Variants in SOX5 observed in about 807,000 individuals in gnomAD.
SOX5 encodes transcription factor SOX-5.
In SOX5, 9 loss-of-function variants were observed where a neutral mutation model predicts 92.0. The ratio of observed to expected loss-of-function variants is 0.10; its 90% CI spans 0.06 to 0.17. SOX5 has a LOEUF of 0.17. Ranked by LOEUF, SOX5 falls within the 10% of genes least tolerant of loss-of-function variation. SOX5 has a pLI of 1.00. For synonymous variants in SOX5, 344 were observed against 336.3 expected (o/e 1.02, Z -0.25); for missense variants, 642 against 944.5 (o/e 0.68, Z 4.20).
chr12:24,377,187 C>T (rs1161296472), intron 1 of SOX5, among the ~76,000 whole-genome samples: 1 of 152,176 alleles, frequency 6.6e-6, no homozygotes, highest in Admixed American at 6.5e-5. Context: ...TATGGCTCCA[C>T]AATCAAAAGT....
intron 6 of SOX5, among the ~76,000 whole-genome samples, chr12:23,728,619 G>A (rs1353534711): frequency 2.0e-5 from 3 of 152,056 alleles, no homozygotes; most frequent in Admixed American, 6.6e-5. Context: ...GAGAACTTTG[G>A]TGCCAATAAA....
chr12:23,816,028 G>A (rs961840128), intron 3 of SOX5, among the ~76,000 whole-genome samples: 3 of 152,070 alleles, frequency 2.0e-5, no homozygotes, highest in Non-Finnish European at 2.9e-5. Context: ...TAATGTTCAT[G>A]TGTCATGAAA....
intron 2 of SOX5, among the ~76,000 whole-genome samples, chr12:23,875,941 A>C (rs571527132): frequency 6.6e-6 from 1 of 152,278 alleles, no homozygotes; most frequent in East Asian, 1.9e-4. Flanking sequence ...TGTAGCACAA[A>C]AGCAGCTATA....
At chr12:24,168,418 A>C (rs989105835) in intron 4 of SOX5, among the ~76,000 whole-genome samples, 1 of 152,212 alleles carries the variant, frequency 6.6e-6, no homozygotes, top group South Asian at 2.1e-4. Context: ...AAAAATCGTC[A>C]ACAGAAATAA....
chr12:24,378,309 T>C (rs1957485029), intron 1 of SOX5, among the ~76,000 whole-genome samples: 1 of 152,228 alleles, frequency 6.6e-6, no homozygotes, highest in Non-Finnish European at 1.5e-5. Flanking sequence ...AAATGAACAA[T>C]GTACAATCTT....
chr12:24,050,428 T>C (rs1957457135), intron 4 of SOX5, among the ~76,000 whole-genome samples: 1 of 152,088 alleles, frequency 6.6e-6, no homozygotes, highest in South Asian at 2.1e-4. Flanking sequence ...GTGAAATAAA[T>C]GTGAGGGTCT....
intron 4 of SOX5, among the ~76,000 whole-genome samples, chr12:24,080,395 G>T (rs1943181057): frequency 6.6e-6 from 1 of 151,996 alleles, no homozygotes; most frequent in African/African-American, 2.4e-5. Context: ...GTGCCACAAT[G>T]TTATCTCCTA....
intron 6 of SOX5, among the ~76,000 whole-genome samples, chr12:23,722,290 T>TC (rs1345026449): frequency 2.0e-5 from 3 of 152,186 alleles, no homozygotes; most frequent in African/African-American, 7.2e-5. Flanking sequence ...CTATGATATT[T>TC]CAGTTAGAGA....
rs1941568867 is a variant in SOX5, at chr12:24,446,952, A to C, written c.-250-78313T>G. ...CCAAAGCTGAAACAATTTGGGCAAC[A>C]AAATAAATAGCATACTCTTGTATCA... On this transcript the variant is annotated intron_variant, in intron 1 of 4. Coordinates refer to the SOX5 transcript ENST00000446891. 3.9e-5 allele frequency among the ~76,000 whole-genome samples: 6 copies of C among 152,328 alleles called. No homozygotes were observed. The South Asian group carries it at 1.2e-3, about 32-fold the overall frequency.
At chr12:23,669,937 C>T (rs956477431) in intron 6 of SOX5, among the ~76,000 whole-genome samples, 2 of 151,942 alleles carry the variant, frequency 1.3e-5, no homozygotes, top group Non-Finnish European at 2.9e-5. Flanking sequence ...CTATGGGAAG[C>T]CAGAAGTTAA....
intron 6 of SOX5, among the ~76,000 whole-genome samples, chr12:23,669,133 C>G (rs1022777813): frequency 6.6e-6 from 1 of 152,082 alleles, no homozygotes; most frequent in African/African-American, 2.4e-5. Context: ...CATGGATGCT[C>G]TCTAGGAGCT....
At chr12:23,806,527 T>C (rs908414014) in intron 3 of SOX5, among the ~76,000 whole-genome samples, 2 of 146,010 alleles carry the variant, frequency 1.4e-5, no homozygotes, top group African/African-American at 2.6e-5. Flanking sequence ...CAATGTAAAA[T>C]GTAAACCAAA....
At chr12:24,250,042 G>C (rs114443906) in intron 3 of SOX5, among the ~76,000 whole-genome samples, 4,682 of 152,240 alleles carry the variant, frequency 0.031, 243 homozygotes, top group African/African-American at 0.11. Context: ...TTCAGTGAAT[G>C]AGAGAAATCA....
intron 4 of SOX5, among the ~76,000 whole-genome samples, chr12:24,132,518 T>A (rs988446364): frequency 6.6e-6 from 1 of 152,036 alleles, no homozygotes; most frequent in Non-Finnish European, 1.5e-5. Context: ...GGGAAAACAA[T>A]GGAAAGAGAA....
At chr12:23,992,746 A>G (rs1487284161) in intron 4 of SOX5, among the ~76,000 whole-genome samples, 1 of 152,170 alleles carries the variant, frequency 6.6e-6, no homozygotes, top group Admixed American at 6.6e-5. Context: ...AGTAACTTTT[A>G]AACACCAAAA....
intron 4 of SOX5, among the ~76,000 whole-genome samples, chr12:24,188,915 G>C (rs1203790656): frequency 6.6e-6 from 1 of 152,184 alleles, no homozygotes; most frequent in African/African-American, 2.4e-5. Context: ...CAGTTGTGTA[G>C]TTATGGAAAG....
intron 4 of SOX5, among the ~76,000 whole-genome samples, chr12:24,157,935 A>G (rs1429315013): frequency 6.6e-6 from 1 of 152,172 alleles, no homozygotes; most frequent in East Asian, 1.9e-4. Flanking sequence ...TTCCAAAATA[A>G]GGTAGTATAT....
chr12:23,659,825 G>T (rs907309646), intron 7 of SOX5, among the ~76,000 whole-genome samples: 3 of 152,086 alleles, frequency 2.0e-5, no homozygotes, highest in Admixed American at 2.0e-4. Flanking sequence ...AAATTAGCTG[G>T]GCGTGGTGGT....
chr12:23,970,841 A>ATATTTTTT lies in SOX5; in HGVS notation c.-1-74818_-1-74817insAAAAAATA. 5.0e-4 allele frequency among the ~76,000 whole-genome samples: 11 copies of ATATTTTTT among 21,874 alleles called. 1 individual carries two copies. The highest frequency in any genetic ancestry group is 8.7e-4 in the African/African-American group (7 of 8,032). The allele number at this position is 21,874 out of a possible 152,430, so 14.4% of individuals were successfully genotyped here. The stretch of plus-strand genomic sequence containing the variant: ...ACATGGGACTTTATATATATATATA[A>ATATTTTTT]TTTTTTTTTTTTTTTAAGAAATGGG... On this transcript the variant is annotated intron_variant, in intron 4 of 4. Coordinates refer to the SOX5 transcript ENST00000446891.
Sources: allele counts gnomAD v4.1 joint callset (sites outside exome capture counted in the v4.1 genomes callset), GRCh38; gene constraint gnomAD v4.1.1; transcripts MANE v1.5; gene names NCBI Gene and HGNC (gene_info 2026-07-23, HGNC 2026-07-21).